SLC16A7: variants seen among roughly 807,000 people sequenced by gnomAD.
The protein encoded by SLC16A7 is solute carrier family 16 member 7, also known as monocarboxylate transporter 2.
Under a neutral mutation model 34.9 loss-of-function variants are expected in SLC16A7, and 33 were observed. The observed-to-expected ratio is 0.94, with a 90% CI of 0.72 to 1.26. The LOEUF (loss-of-function observed/expected upper bound fraction) is 1.26. SLC16A7 is among the 50% of genes most tolerant of loss of function. The pLI is 0.00. For missense variants in SLC16A7, 573 were observed against 578.1 expected (o/e 0.99, Z 0.09); for synonymous variants, 201 against 206.6 (o/e 0.97, Z 0.23).
chr12:59,636,456 A>G (rs913007995), intron 1 of SLC16A7, among the ~76,000 whole-genome samples: 6 of 152,074 alleles, frequency 3.9e-5, no homozygotes, highest in African/African-American at 1.2e-4. Context: ...GATGCACAAA[A>G]TAGGAATTTA....
At chr12:59,605,920 G>C (rs1165456065) in intron 1 of SLC16A7, among the ~76,000 whole-genome samples, 1 of 152,106 alleles carries the variant, frequency 6.6e-6, no homozygotes, top group Admixed American at 6.5e-5. Flanking sequence ...AACTTTTAGA[G>C]CCCCAGTTTT....
intron 1 of SLC16A7, among the ~76,000 whole-genome samples, chr12:59,638,311 G>A (rs1357710056): frequency 3.9e-5 from 6 of 152,088 alleles, no homozygotes; most frequent in Non-Finnish European, 8.8e-5. Context: ...GGGAGGGAGT[G>A]ACTTTCTAGA....
At chr12:59,754,376 G>A (rs2137349908) in intron 3 of SLC16A7, among the ~76,000 whole-genome samples, 1 of 151,972 alleles carries the variant, frequency 6.6e-6, no homozygotes, top group African/African-American at 2.4e-5. Context: ...TAATAAAGAA[G>A]AAAAGAGAGA....
chr12:59,641,369 G>T (rs1016565082), intron 1 of SLC16A7, among the ~76,000 whole-genome samples: 1 of 152,014 alleles, frequency 6.6e-6, no homozygotes, highest in South Asian at 2.1e-4. Context: ...CTTATACATG[G>T]TATGCATTCA....
At chr12:59,723,539 G>A (rs1193573017) in intron 3 of SLC16A7, among the ~76,000 whole-genome samples, 1 of 151,876 alleles carries the variant, frequency 6.6e-6, no homozygotes. Flanking sequence ...AATGGTCAAG[G>A]GAATAATTGA....
chr12:59,709,067 G>T (rs1325406513), intron 3 of SLC16A7, among the ~76,000 whole-genome samples: 1 of 151,544 alleles, frequency 6.6e-6, no homozygotes, highest in Non-Finnish European at 1.5e-5. Flanking sequence ...GTTTTATTTT[G>T]TAAATAGTGA....
chr12:59,599,429 A>G (rs1878580032), intron 1 of SLC16A7, among the ~76,000 whole-genome samples: 2 of 152,172 alleles, frequency 1.3e-5, no homozygotes, highest in Non-Finnish European at 1.5e-5. Context: ...TGGTTTGACA[A>G]ATTAGCAAAA....
At chr12:59,755,248 T>A (rs547852264) in intron 3 of SLC16A7, among the ~76,000 whole-genome samples, 2 of 152,248 alleles carry the variant, frequency 1.3e-5, no homozygotes, top group African/African-American at 4.8e-5. Context: ...TTGGAAGTTC[T>A]GGCCAGGGCA....
At position 59,682,345 on chromosome 12, in the gene SLC16A7, TA is replaced by T. The variant is rs1188340044; in HGVS notation, c.-30-22421del. Among the ~76,000 whole-genome samples, 6 of 152,230 alleles carry T rather than the reference TA, an allele frequency of 3.9e-5. No individual in the cohort carries two copies. In the South Asian group the frequency reaches 6.2e-4, roughly 16 times the overall value. On this transcript the variant is annotated intron_variant, in intron 2 of 5. Transcript: ENST00000547379. ...CATCTTAGGGGACAGAAGACTATTATAAAAAATAATTTTATGAATAGTTATA... is the reference window on the plus strand; with the variant it reads ...CATCTTAGGGGACAGAAGACTATTATAAAAATAATTTTATGAATAGTTATA...
chr12:59,774,857 G>A lies in SLC16A7; in HGVS notation c.562G>A (p.Ala188Thr), dbSNP rs1882583571. The change falls in exon 5 of 6, where the codon GCC becomes ACC. Residue 188 changes from alanine (A) to threonine (T), a missense_variant. Physicochemically the swap from Ala to Thr is moderately conservative, Grantham distance 58 (BLOSUM62 0). Coordinates refer to ENST00000547379, the MANE Select transcript of SLC16A7 (RefSeq NM_001270623.2). ...FLILGSLLLNACVAGSLMRPL... is the reference protein window; with the variant it reads ...FLILGSLLLNTCVAGSLMRPL... ...GATTTTGGGAAGTCTACTTTTGAAT[G>A]CCTGTGTGGCTGGTTCCCTCATGAG... 6.2e-7 allele frequency: 1 copy of A among 1,613,764 alleles called. No individual in the cohort carries two copies. The highest frequency in any genetic ancestry group is 8.5e-7 in the Non-Finnish European group (1 of 1,179,938).
chr12:59,766,238 A>G lies in SLC16A7; in HGVS notation c.218-4981A>G, dbSNP rs573887026. 9.9e-3 allele frequency among the ~76,000 whole-genome samples: 1,507 copies of G among 152,310 alleles called. 21 individuals carry two copies. The highest frequency in any genetic ancestry group is 0.034 in the African/African-American group (1,414 of 41,562). ...GCTTAAGGAGATTTTGGGCTGAGAC[A>G]TTGGGGTTTTCTAGATATACAATCA... is the stretch of plus-strand genomic sequence containing the variant. On this transcript the variant is annotated intron_variant, in intron 3 of 5. Coordinates refer to ENST00000547379, the MANE Select transcript of SLC16A7 (RefSeq NM_001270623.2).
intron 3 of SLC16A7, among the ~76,000 whole-genome samples, chr12:59,736,813 C>T (rs901973235): frequency 7.2e-5 from 11 of 152,222 alleles, no homozygotes; most frequent in Non-Finnish European, 1.3e-4. Flanking sequence ...CACATGCTGA[C>T]CAATGATTCT....
At chr12:59,766,965 C>A (rs550439354) in intron 3 of SLC16A7, among the ~76,000 whole-genome samples, 1 of 151,944 alleles carries the variant, frequency 6.6e-6, no homozygotes, top group East Asian at 2.0e-4. Flanking sequence ...TGGTCCTGGG[C>A]TTTTTTTGGT....
chr12:59,676,501 T>A (rs1387977142), intron 2 of SLC16A7, among the ~76,000 whole-genome samples: 2 of 152,116 alleles, frequency 1.3e-5, no homozygotes, highest in African/African-American at 2.4e-5. Flanking sequence ...TGGATTTTTT[T>A]AACCATTTTT....
chr12:59,748,355 T>G (rs1224373688), intron 3 of SLC16A7, among the ~76,000 whole-genome samples: 1 of 152,134 alleles, frequency 6.6e-6, no homozygotes, highest in African/African-American at 2.4e-5. Context: ...CTGTAATACA[T>G]ACTGTACTAC....
intron 3 of SLC16A7, among the ~76,000 whole-genome samples, chr12:59,731,578 A>T (rs189849897): frequency 2.0e-5 from 3 of 152,352 alleles, no homozygotes; most frequent in Non-Finnish European, 4.4e-5. Context: ...TGAATTTAAA[A>T]TAAAAAGACC....
intron 3 of SLC16A7, among the ~76,000 whole-genome samples, chr12:59,727,887 A>C (rs1429305936): frequency 1.3e-5 from 2 of 152,190 alleles, no homozygotes; most frequent in Admixed American, 1.3e-4. Context: ...AATATGACAA[A>C]AAAGAGAGAG....
intron 1 of SLC16A7, among the ~76,000 whole-genome samples, chr12:59,605,343 A>G (rs1004542556): frequency 6.6e-6 from 1 of 152,200 alleles, no homozygotes; most frequent in South Asian, 2.1e-4. Context: ...CAGTAAGTCC[A>G]GGATGTCATT....
intron 4 of SLC16A7, among the ~76,000 whole-genome samples, chr12:59,772,881 T>G (rs1188884305): frequency 6.6e-6 from 1 of 152,080 alleles, no homozygotes; most frequent in Non-Finnish European, 1.5e-5. Context: ...AATCTTTTTG[T>G]GTTGTTAGGT....
Sources: allele counts gnomAD v4.1 joint callset (sites outside exome capture counted in the v4.1 genomes callset), GRCh38; gene constraint gnomAD v4.1.1; transcripts MANE v1.5; gene names NCBI Gene and HGNC (gene_info 2026-07-23, HGNC 2026-07-21).